RGL1: variants seen among roughly 807,000 people sequenced by gnomAD.
RGL1 encodes ral guanine nucleotide dissociation stimulator like 1.
RGL1 carries 24 observed loss-of-function variants against 95.2 expected under a neutral mutation model. The observed-to-expected ratio is 0.25, with a 90% CI of 0.18 to 0.35. The LOEUF is 0.35. Among genes scored for constraint, RGL1 ranks in the 10% least tolerant of loss-of-function variants. The pLI, the probability that RGL1 is intolerant of heterozygous loss-of-function variation, is 1.00. For missense variants in RGL1, 715 were observed against 936.3 expected, an observed-to-expected ratio of 0.76 and a Z score of 3.08; for synonymous variants, 329 against 344.9, an observed-to-expected ratio of 0.95 and a Z score of 0.51.
At chr1:183,648,931 C>T in intron 1 of RGL1, 1 of 626,268 alleles carries the variant, frequency 1.6e-6, no homozygotes, top group Non-Finnish European at 2.7e-6. Context: ...GTGATATATG[C>T]ATAGATTTAA....
intron 16 of RGL1, among the ~76,000 whole-genome samples, chr1:183,921,626 G>A (rs566546958): frequency 7.9e-4 from 121 of 152,264 alleles, no homozygotes; most frequent in African/African-American, 2.7e-3. Context: ...CTCTTTTCCT[G>A]TTGATGGAGA....
chr1:183,732,492 T>C (rs376279883), intron 1 of RGL1, among the ~76,000 whole-genome samples: 102 of 152,284 alleles, frequency 6.7e-4, no homozygotes, highest in African/African-American at 2.3e-3. Context: ...CATTTGTTAG[T>C]ATCAAAATTG....
chr1:183,871,215 A>C (rs780323939), intron 4 of RGL1, among the ~76,000 whole-genome samples: 3 of 152,248 alleles, frequency 2.0e-5, no homozygotes, highest in Non-Finnish European at 4.4e-5. Flanking sequence ...CCAGTTTTGA[A>C]GAGACAGGAA....
intron 2 of RGL1, among the ~76,000 whole-genome samples, chr1:183,788,396 A>G (rs1023880328): frequency 6.6e-6 from 1 of 152,230 alleles, no homozygotes; most frequent in African/African-American, 2.4e-5. Flanking sequence ...CAGTCTCTCA[A>G]TGGATTAGAT....
intron 1 of RGL1, among the ~76,000 whole-genome samples, chr1:183,702,357 G>A (rs1291430077): frequency 6.6e-6 from 1 of 152,178 alleles, no homozygotes; most frequent in Non-Finnish European, 1.5e-5. Flanking sequence ...AGGTGGTGAT[G>A]GGACTTTTTG....
intron 2 of RGL1, among the ~76,000 whole-genome samples, chr1:183,750,546 G>A (rs908872832): frequency 1.3e-5 from 2 of 152,174 alleles, no homozygotes; most frequent in African/African-American, 4.8e-5. Flanking sequence ...CCCACCTTCT[G>A]AAGTCTACTT....
chr1:183,646,620 G>T (rs1650310953), intron 1 of RGL1: 1 of 152,146 alleles, frequency 6.6e-6, no homozygotes, highest in Non-Finnish European at 1.5e-5. Context: ...TTAAGAGAAG[G>T]TACAAATATT....
chr1:183,712,072 A>G (rs542712306), intron 1 of RGL1, among the ~76,000 whole-genome samples: 1 of 152,340 alleles, frequency 6.6e-6, no homozygotes, highest in African/African-American at 2.4e-5. Flanking sequence ...TTGAAGAGCC[A>G]TGGAAATGAG....
intron 2 of RGL1, among the ~76,000 whole-genome samples, chr1:183,743,883 A>G (rs894690094): frequency 2.6e-5 from 4 of 152,210 alleles, no homozygotes; most frequent in Non-Finnish European, 5.9e-5. Context: ...AGAATGAGAA[A>G]TTGCTGGAGG....
intron 2 of RGL1, among the ~76,000 whole-genome samples, chr1:183,783,267 A>G (rs1439317359): frequency 1.3e-5 from 2 of 152,164 alleles, no homozygotes; most frequent in Non-Finnish European, 2.9e-5. Context: ...ATGGGAAGAG[A>G]TAAGTTCAAA....
chr1:183,786,435 C>T lies in RGL1; in HGVS notation c.133-19940C>T, dbSNP rs377076799. Among the ~76,000 whole-genome samples the T allele has an allele frequency of 1.2e-4, 18 of 152,214 alleles. No homozygotes were observed. In the South Asian group the frequency reaches 1.5e-3, roughly 12 times the overall value. On this transcript the variant is annotated intron_variant, in intron 2 of 18. Transcript: ENST00000304685. ...CAACACACAAAAAAACTGCTTGAGA[C>T]CAGAAATGTTTCAGATTTCAGATTT... is the stretch of plus-strand genomic sequence containing the variant.
intron 1 of RGL1, among the ~76,000 whole-genome samples, chr1:183,737,423 T>G (rs574963770): frequency 6.6e-6 from 1 of 152,248 alleles, no homozygotes; most frequent in East Asian, 1.9e-4. Flanking sequence ...TGATTACATA[T>G]TATAGATATT....
At position 183,703,157 on chromosome 1, in the gene RGL1, C is replaced by T. The variant is rs898162363; in HGVS notation, c.-32-38969C>T. On this transcript the variant is annotated intron_variant, in intron 1 of 18. Transcript: ENST00000304685. ...ACCTCCCCCCGCCGGCTTCCAGGCC[C>T]TGGGGAAAGTCTTTCATTCTTGTCT... 3.3e-5 allele frequency among the ~76,000 whole-genome samples: 5 copies of T among 152,196 alleles called. 1 individual carries two copies. The highest frequency in any genetic ancestry group is 1.2e-4 in the African/African-American group (5 of 41,444).
upstream of RGL1, among the ~76,000 whole-genome samples, chr1:183,801,577 A>C (rs899778873): frequency 2.6e-5 from 4 of 152,196 alleles, 1 homozygote; most frequent in Admixed American, 2.6e-4. Flanking sequence ...TGCCAAGGCC[A>C]ATATAATAAA....
upstream of RGL1, among the ~76,000 whole-genome samples, chr1:183,803,574 C>T (rs977917482): frequency 3.3e-5 from 5 of 152,148 alleles, no homozygotes; most frequent in East Asian, 1.9e-4. Context: ...GAATTTAAGC[C>T]GCCCTGTCCA....
rs577644186 is a variant in RGL1, at chr1:183,792,534, C to T, written c.133-13841C>T. ...ACTGGAAAAGAGGAAGTCAGATTCTCCCTCTTTGCAGACAACATGATCTTA... is the reference window on the plus strand; with the variant it reads ...ACTGGAAAAGAGGAAGTCAGATTCTTCCTCTTTGCAGACAACATGATCTTA... On this transcript the variant is annotated intron_variant, in intron 2 of 18. Coordinates refer to the RGL1 transcript ENST00000304685. Among the ~76,000 whole-genome samples, 64 of 152,180 alleles carry T rather than the reference C, an allele frequency of 4.2e-4. 1 individual carries two copies. The highest frequency in any genetic ancestry group is 1.5e-3 in the African/African-American group (62 of 41,558).
intron 1 of RGL1, among the ~76,000 whole-genome samples, chr1:183,733,760 C>G (rs1188711996): frequency 6.6e-6 from 1 of 152,190 alleles, no homozygotes; most frequent in African/African-American, 2.4e-5. Context: ...TCAACACTAA[C>G]TAGATCATTA....
chr1:183,697,049 A>T (rs955088294), intron 1 of RGL1, among the ~76,000 whole-genome samples: 1 of 152,194 alleles, frequency 6.6e-6, no homozygotes, highest in Non-Finnish European at 1.5e-5. Context: ...TCCCAATTAC[A>T]ATATGTATGG....
chr1:183,915,059 C>T (rs1389538837), intron 15 of RGL1, among the ~76,000 whole-genome samples: 1 of 152,134 alleles, frequency 6.6e-6, no homozygotes, highest in South Asian at 2.1e-4. Flanking sequence ...CAATCAGACC[C>T]CTACCCATGA....
Sources: gnomAD v4.1 joint callset for allele counts (sites outside exome capture counted in the v4.1 genomes callset) on GRCh38, gnomAD v4.1.1 for gene constraint, MANE v1.5 for transcripts, NCBI Gene and HGNC (gene_info 2026-07-23, HGNC 2026-07-21) for gene names.